CNIH3: variants seen among roughly 807,000 people sequenced by gnomAD.
CNIH3 encodes the protein protein cornichon homolog 3.
CNIH3 carries 14 observed loss-of-function variants against 24.1 expected under a neutral mutation model. The observed-to-expected ratio is 0.58, with a 90% confidence interval of 0.38 to 0.91. The LOEUF (loss-of-function observed/expected upper bound fraction) is 0.91. CNIH3 is among the 40% of genes least tolerant of loss of function. CNIH3 has a pLI of 0.00. For missense variants in CNIH3, 178 were observed against 196.8 expected (o/e 0.90, Z 0.57); for synonymous variants, 68 against 73.8 (o/e 0.92, Z 0.40).
chr1:224,659,948 C>G (rs1572675508), intron 1 of CNIH3, among the ~76,000 whole-genome samples: 1 of 152,110 alleles, frequency 6.6e-6, no homozygotes, highest in East Asian at 1.9e-4. Flanking sequence ...AAATCAAAAC[C>G]TCTTGTGATT....
At chr1:224,728,874 A>C (rs1689172673) in intron 3 of CNIH3, among the ~76,000 whole-genome samples, 2 of 152,250 alleles carry the variant, frequency 1.3e-5, no homozygotes, top group African/African-American at 4.8e-5. Flanking sequence ...CCTAACTGCC[A>C]TGCATTGTAC....
intron 1 of CNIH3, among the ~76,000 whole-genome samples, chr1:224,467,715 C>T (rs1428200820): frequency 2.0e-5 from 3 of 152,008 alleles, no homozygotes; most frequent in East Asian, 1.9e-4. Context: ...TGAGCCACTG[C>T]GCCTGGCTGG....
At position 224,616,326 on chromosome 1, in the gene CNIH3, A is replaced by G; in HGVS notation, c.-849A>G. The G allele has an allele frequency of 8.2e-6, 3 of 364,288 alleles. No homozygotes were observed. The highest frequency in any genetic ancestry group is 1.2e-5 in the Non-Finnish European group (3 of 244,522). 22.6% of individuals were successfully genotyped at this position (364,288 alleles called of 1,614,324 possible). On this transcript the variant is annotated 5_prime_UTR_variant, in exon 1 of 6. Transcript: ENST00000272133. ...CACCGCTACAGTTCTCGCAGTGGCA[A>G]AGGCGGCGGCGGCGGCGGCGGCAGC...
At chr1:224,437,170 C>G (rs1313731141) in intron 1 of CNIH3, 2 of 152,166 alleles carry the variant, frequency 1.3e-5, no homozygotes, top group South Asian at 2.1e-4. Flanking sequence ...ATTTACCTTC[C>G]CCTTTTCACC....
At chr1:224,643,748 G>A (rs115070206) in intron 1 of CNIH3, among the ~76,000 whole-genome samples, 79 of 152,340 alleles carry the variant, frequency 5.2e-4, no homozygotes, top group African/African-American at 1.8e-3. Flanking sequence ...TCTAGTATAG[G>A]CTTCCCGCCT....
chr1:224,483,996 C>A (rs1676923340), intron 1 of CNIH3, among the ~76,000 whole-genome samples: 2 of 151,956 alleles, frequency 1.3e-5, no homozygotes, highest in Admixed American at 6.6e-5. Flanking sequence ...CATGGTGAAA[C>A]CCCGTCTCTA....
intron 1 of CNIH3, among the ~76,000 whole-genome samples, chr1:224,620,525 C>G (rs568945396): frequency 3.3e-5 from 5 of 152,242 alleles, no homozygotes; most frequent in African/African-American, 1.2e-4. Context: ...CAACAGCAAC[C>G]AGACTCAAGA....
intron 3 of CNIH3, among the ~76,000 whole-genome samples, chr1:224,729,368 C>T (rs950960274): frequency 2.8e-5 from 4 of 144,462 alleles, no homozygotes; most frequent in Non-Finnish European, 6.0e-5. Flanking sequence ...GCCAAGATCA[C>T]GCCACTGTAC....
chr1:224,718,564 A>G (rs941319747), intron 3 of CNIH3, among the ~76,000 whole-genome samples: 5 of 152,298 alleles, frequency 3.3e-5, no homozygotes, highest in Admixed American at 2.6e-4. Flanking sequence ...ATGTTTCAAA[A>G]AGATCACTTT....
chr1:224,681,983 A>G (rs1686425703), intron 2 of CNIH3, among the ~76,000 whole-genome samples: 1 of 152,114 alleles, frequency 6.6e-6, no homozygotes, highest in African/African-American at 2.4e-5. Flanking sequence ...TTCAGCCAGA[A>G]GTCGTAGAGA....
At chr1:224,486,920 C>G (rs1443546138) in intron 1 of CNIH3, among the ~76,000 whole-genome samples, 1 of 152,170 alleles carries the variant, frequency 6.6e-6, no homozygotes, top group Non-Finnish European at 1.5e-5. Flanking sequence ...AGTATTATCC[C>G]CAGGTCGGCT....
intron 3 of CNIH3, among the ~76,000 whole-genome samples, chr1:224,707,030 C>T (rs1487849610): frequency 3.3e-5 from 4 of 121,096 alleles, no homozygotes; most frequent in Non-Finnish European, 6.3e-5. Context: ...GTGGCGTGAT[C>T]TTTGCTCACT....
chr1:224,599,803 A>G lies in CNIH3; in HGVS notation n.402+33539A>G, dbSNP rs533558549. Among the ~76,000 whole-genome samples the G allele has an allele frequency of 2.3e-3, 345 of 152,292 alleles. 1 individual carries two copies. Among genetic ancestry groups the G allele is most frequent in the Non-Finnish European group, 4.0e-3 (273 of 68,014 alleles). ...AAAGTATAGATATCACTATTGGAAT[A>G]TTGTTTACTAAGGCTAATTCTCTAA... On this transcript the variant is annotated intron_variant and non_coding_transcript_variant, in intron 3 of 7. Coordinates refer to the CNIH3 transcript ENST00000478120.
At chr1:224,689,052 C>G (rs1686802511) in intron 3 of CNIH3, among the ~76,000 whole-genome samples, 1 of 152,134 alleles carries the variant, frequency 6.6e-6, no homozygotes, top group Admixed American at 6.5e-5. Context: ...TGCTTATACC[C>G]TCTGCCCCCT....
chr1:224,608,212 C>A (rs1312069723), intron 3 of CNIH3, among the ~76,000 whole-genome samples: 1 of 152,194 alleles, frequency 6.6e-6, no homozygotes, highest in Non-Finnish European at 1.5e-5. Flanking sequence ...ACGACTTGAG[C>A]CAGTCAAGGG....
chr1:224,570,503 CT>C (rs1680771471), intron 4 of CNIH3, among the ~76,000 whole-genome samples: 1 of 152,122 alleles, frequency 6.6e-6, no homozygotes. Context: ...TGATTTTGTT[CT>C]TTTTTATGGC....
chr1:224,483,677 T>G (rs568351470), intron 1 of CNIH3, among the ~76,000 whole-genome samples: 13 of 151,598 alleles, frequency 8.6e-5, no homozygotes, highest in Admixed American at 1.3e-4. Flanking sequence ...GGATTACAGG[T>G]GTGAGCCACC....
intron 1 of CNIH3, among the ~76,000 whole-genome samples, chr1:224,679,120 A>T (rs182499443): frequency 9.8e-4 from 149 of 152,298 alleles, no homozygotes; most frequent in Non-Finnish European, 1.1e-3. Flanking sequence ...TCAAGTATTT[A>T]AAAAAATGTT....
chr1:224,672,139 CAA>C (rs912524762), intron 1 of CNIH3, among the ~76,000 whole-genome samples: 1 of 151,616 alleles, frequency 6.6e-6, no homozygotes, highest in African/African-American at 2.4e-5. Flanking sequence ...CTTTTGGGGA[CAA>C]GACAGAGGAA....
Sources: gnomAD v4.1 joint callset for allele counts (sites outside exome capture counted in the v4.1 genomes callset) on GRCh38, gnomAD v4.1.1 for gene constraint, MANE v1.5 for transcripts, NCBI Gene and HGNC (gene_info 2026-07-23, HGNC 2026-07-21) for gene names.